Variants in RILPL1 observed in about 807,000 individuals in gnomAD.
The protein encoded by RILPL1 is Rab interacting lysosomal protein like 1.
Under a neutral mutation model 50.3 loss-of-function variants are expected in RILPL1, and 33 were observed. The observed-to-expected ratio is 0.66, with a 90% CI of 0.50 to 0.88. RILPL1 has a LOEUF of 0.88. Ranked by LOEUF, RILPL1 falls within the 40% of genes least tolerant of loss-of-function variation. RILPL1 has a pLI of 0.00. For missense variants in RILPL1, 418 were observed against 542.5 expected, an observed-to-expected ratio of 0.77 and a Z score of 2.28; for synonymous variants, 205 against 228.6, an observed-to-expected ratio of 0.90 and a Z score of 0.93.
chr12:123,511,365 G>A (rs1884176279), intron 2 of RILPL1, among the ~76,000 whole-genome samples: 1 of 142,452 alleles, frequency 7.0e-6, no homozygotes, highest in Non-Finnish European at 1.5e-5. Flanking sequence ...TGTGTGTGGT[G>A]TCTGTGTGAG....
intron 1 of RILPL1, among the ~76,000 whole-genome samples, chr12:123,526,463 G>A (rs1416387535): frequency 2.0e-5 from 3 of 152,162 alleles, no homozygotes; most frequent in African/African-American, 7.2e-5. Context: ...CACAAATGAG[G>A]AAACTAGTGT....
chr12:123,475,167 A>G (rs1881506501), intron 6 of RILPL1: 1 of 165,088 alleles, frequency 6.1e-6, no homozygotes, highest in African/African-American at 2.4e-5. Context: ...TCAGGTAAAC[A>G]GGAAGGCCAC....
At chr12:123,477,291 C>A (rs932138599) in intron 6 of RILPL1, among the ~76,000 whole-genome samples, 4 of 150,966 alleles carry the variant, frequency 2.6e-5, no homozygotes, top group African/African-American at 9.8e-5. Context: ...ATGTGCTTCA[C>A]AGAGTAGCTA....
rs1345561447 is a variant in RILPL1 at position 123,504,062 on chromosome 12, C to A, written c.461-4526G>T. 2.0e-5 allele frequency among the ~76,000 whole-genome samples: 3 copies of A among 151,406 alleles called. 1 individual carries two copies. The highest frequency in any genetic ancestry group is 2.0e-4 in the Admixed American group (3 of 15,218). ...TAACACAACTGCAAAGACATTACCACATCAGGTGACATCCACAGGTTCTAG... is the reference window on the plus strand; with the variant it reads ...TAACACAACTGCAAAGACATTACCAAATCAGGTGACATCCACAGGTTCTAG... On this transcript the variant is annotated intron_variant, in intron 2 of 6. Coordinates refer to ENST00000376874, the MANE Select transcript of RILPL1 (RefSeq NM_178314.5).
At chr12:123,519,074 AG>A (rs67299121) in intron 2 of RILPL1, among the ~76,000 whole-genome samples, 52,089 of 107,812 alleles carry the variant, frequency 0.48, 12,635 homozygotes, top group East Asian at 0.85. Flanking sequence ...AAAAAAAAAA[AG>A]AAAAGAAAAA....
At chr12:123,481,440 C>T (rs1423182075) in intron 6 of RILPL1, among the ~76,000 whole-genome samples, 2 of 152,038 alleles carry the variant, frequency 1.3e-5, no homozygotes, top group African/African-American at 4.8e-5. Context: ...GACTGGACAC[C>T]CAAGAATGGA....
rs1882240653 is a variant in RILPL1, at chr12:123,485,076, A to G, written c.974+557T>C. On this transcript the variant is annotated intron_variant, in intron 5 of 6. Transcript: ENST00000376874. The surrounding 1 kb of genome is among the most constrained non-coding windows in gnomAD (Gnocchi z 4.0). ...CTGGAGCAGGGACCACCTCTGGTGC[A>G]TGGGTCCTTCCTTCCAGCTTTCTAT... 2.2e-6 allele frequency: 1 copy of G among 449,982 alleles called. No individual in the cohort carries two copies. The highest frequency in any genetic ancestry group is 2.0e-5 in the African/African-American group (1 of 49,914). The allele number at this position is 449,982 out of a possible 1,614,324, so 27.9% of individuals were successfully genotyped here.
chr12:123,487,029 C>T (rs1214497874), intron 4 of RILPL1, among the ~76,000 whole-genome samples: 1 of 152,118 alleles, frequency 6.6e-6, no homozygotes, highest in Non-Finnish European at 1.5e-5. Flanking sequence ...GAACTCCTGA[C>T]CTCAAGTGAT....
chr12:123,512,953 CGTGT>C (rs1206029315), intron 2 of RILPL1, among the ~76,000 whole-genome samples: 45 of 36,956 alleles, frequency 1.2e-3, no homozygotes, highest in Non-Finnish European at 1.8e-3. Context: ...GTGTGAGGTC[CGTGT>C]GTGTGTGGTG....
At chr12:123,519,521 A>AC (rs762898311) in intron 2 of RILPL1, 1 of 151,436 alleles carries the variant, frequency 6.6e-6, no homozygotes, top group East Asian at 1.9e-4. Flanking sequence ...TCCTCTCAGC[A>AC]CCCCCTCACC....
chr12:123,491,591 C>T lies in RILPL1; in HGVS notation c.802-5786G>A, dbSNP rs1882690220. Among the ~76,000 whole-genome samples, 1 of 152,260 alleles carries T rather than the reference C, an allele frequency of 6.6e-6. No homozygotes were observed. The highest frequency in any genetic ancestry group is 1.5e-5 in the Non-Finnish European group (1 of 68,044). ...ACGACTGTGCTCTGGTCACACTTGG[C>T]ACCACCAGGCCTAGCATAAATTCAA... On this transcript the variant is annotated intron_variant, in intron 4 of 6. Coordinates refer to ENST00000376874, the MANE Select transcript of RILPL1 (RefSeq NM_178314.5). The surrounding 1 kb of genome is among the most constrained non-coding windows in gnomAD (Gnocchi z 4.0).
At position 123,472,698 on chromosome 12, in the gene RILPL1, C is replaced by CA; in HGVS notation, c.1068-17dup. On this transcript the variant is annotated splice_polypyrimidine_tract_variant and intron_variant, in intron 6 of 6. Transcript: ENST00000376874. ...GAAGCTAAACCTTTGGAAGGGAAAGCAAACACAGAAATGAGAGCTGACCCT... is the reference window on the plus strand; with the variant it reads ...GAAGCTAAACCTTTGGAAGGGAAAGCAAAACACAGAAATGAGAGCTGACCCT... The CA allele has an allele frequency of 6.3e-7, 1 of 1,589,178 alleles. No individual in the cohort carries two copies. Among genetic ancestry groups the CA allele is most frequent in the African/African-American group, 1.3e-5 (1 of 74,614 alleles).
At chr12:123,526,813 C>T (rs2139390588) in intron 1 of RILPL1, among the ~76,000 whole-genome samples, 1 of 152,250 alleles carries the variant, frequency 6.6e-6, no homozygotes, top group South Asian at 2.1e-4. Flanking sequence ...GGAATGTTGA[C>T]CTCCCATAAG....
intron 6 of RILPL1, among the ~76,000 whole-genome samples, chr12:123,478,173 A>T (rs75895328): frequency 0.019 from 2,871 of 151,112 alleles, 77 homozygotes; most frequent in African/African-American, 0.062. Flanking sequence ...ATTAAAAAAA[A>T]TTTTTTTCCT....
intron 1 of RILPL1, among the ~76,000 whole-genome samples, chr12:123,526,419 T>C (rs2139390137): frequency 6.6e-6 from 1 of 152,338 alleles, no homozygotes; most frequent in East Asian, 1.9e-4. Context: ...GCTTACTAGC[T>C]GACCTTGGCG....
Position 123,522,569 on chromosome 12 carries a change from G to A in RILPL1, c.460+926C>T, listed in dbSNP as rs549791991. 6.6e-6 allele frequency among the ~76,000 whole-genome samples: 1 copy of A among 152,206 alleles called. No homozygotes were observed. Among genetic ancestry groups the A allele is most frequent in the South Asian group, 2.1e-4 (1 of 4,820 alleles). The stretch of plus-strand genomic sequence containing the variant: ...ACTGACCCCTGTGACCTCATTTCCA[G>A]CCTCCTGAGGCCTCAATCATCTTCT... On this transcript the variant is annotated intron_variant, in intron 2 of 6. Coordinates refer to ENST00000376874, the MANE Select transcript of RILPL1 (RefSeq NM_178314.5). The surrounding 1 kb of genome is among the most constrained non-coding windows in gnomAD (Gnocchi z 4.0).
chr12:123,511,711 TGTGTGTGTGAGGTTTGTGTGTGTG>T (rs1483788465), intron 2 of RILPL1, among the ~76,000 whole-genome samples: 2 of 124,950 alleles, frequency 1.6e-5, no homozygotes, highest in Non-Finnish European at 3.3e-5. Flanking sequence ...GTGAGATCTG[TGTGTGTGTGAGGTTTGTGTGTGTG>T]GTGTGTGTGA....
At chr12:123,524,098 C>T (rs953957106) in intron 1 of RILPL1, among the ~76,000 whole-genome samples, 5 of 152,230 alleles carry the variant, frequency 3.3e-5, no homozygotes, top group Non-Finnish European at 7.3e-5. Flanking sequence ...CCTGCCCCAG[C>T]GTTCCTTAGG....
At chr12:123,532,844 C>T (rs958001600) in intron 1 of RILPL1, among the ~76,000 whole-genome samples, 1 of 151,982 alleles carries the variant, frequency 6.6e-6, no homozygotes, top group African/African-American at 2.4e-5. Flanking sequence ...TTTAATTCTT[C>T]TAAGGTGGGT....
Sources: allele counts gnomAD v4.1 joint callset (sites outside exome capture counted in the v4.1 genomes callset), GRCh38; gene constraint gnomAD v4.1.1; non-coding constraint Gnocchi (gnomAD v3.1); transcripts MANE v1.5; gene names NCBI Gene and HGNC (gene_info 2026-07-23, HGNC 2026-07-21).